ADAP2: variants seen among roughly 807,000 people sequenced by gnomAD.
ADAP2 encodes arf-GAP with dual PH domain-containing protein 2.
ADAP2 carries 42 observed loss-of-function variants against 54.9 expected under a neutral mutation model. That is an observed-to-expected ratio of 0.77 (90% CI 0.60 to 0.99). The LOEUF (loss-of-function observed/expected upper bound fraction) is 0.99. Among genes scored for constraint, ADAP2 ranks in the 50% least tolerant of loss-of-function variants. ADAP2 has a pLI of 0.00. For synonymous variants in ADAP2, 177 were observed against 180.1 expected, an observed-to-expected ratio of 0.98 and a Z score of 0.14; for missense variants, 429 against 480.4, an observed-to-expected ratio of 0.89 and a Z score of 1.00.
chr17:30,922,809 G>A (rs1910734868), intron 1 of ADAP2, 131 bp from the exon 2 acceptor site: 3 of 1,059,046 alleles, frequency 2.8e-6, no homozygotes, highest in Admixed American at 4.6e-5. Context: ...TAACCAGAAG[G>A]TGCCAGGCTG....
chr17:30,956,767 C>T (rs1312698436), intron 10 of ADAP2: 3 of 419,278 alleles, frequency 7.2e-6, no homozygotes, highest in African/African-American at 4.0e-5. Flanking sequence ...GGCTAAGCAG[C>T]TTCTCTTTCC....
chr17:30,932,055 T>G, intron 4 of ADAP2, 87 bp downstream of exon 4: 4 of 1,257,464 alleles, frequency 3.2e-6, no homozygotes, highest in African/African-American at 1.5e-5. Flanking sequence ...GCAAGATCCA[T>G]CCAAGAGATG....
At position 30,944,954 on chromosome 17, in the gene ADAP2, C is replaced by T; in HGVS notation, c.558C>T (p.Thr186=). ...AVISIKDLNA[T]FQTEKIGHPH... ...TCAGCATTAAGGACTTGAATGCCAC[C>T]TTCCAGACAGAGAAGATAGGGCACC... The change falls in exon 6 of 11, where the codon ACC becomes ACT. Residue 186 remains threonine, a synonymous_variant. Coordinates refer to ENST00000330889, the MANE Select transcript of ADAP2 (RefSeq NM_018404.3). 1 of 1,614,144 alleles carries T rather than the reference C, an allele frequency of 6.2e-7. No individual in the cohort carries two copies. The highest frequency in any genetic ancestry group is 8.5e-7 in the Non-Finnish European group (1 of 1,180,030).
chr17:30,957,306 C>G (rs1447225686), intron 10 of ADAP2, among the ~76,000 whole-genome samples: 1 of 152,122 alleles, frequency 6.6e-6, no homozygotes, highest in Non-Finnish European at 1.5e-5. Context: ...CTCTTGGTTT[C>G]TCTCTGTCTC....
rs200632165 is a variant in ADAP2, at chr17:30,946,162, C to CA, written c.657+1117dup. 7.9e-3 allele frequency among the ~76,000 whole-genome samples: 1,189 copies of CA among 150,812 alleles called. 12 individuals carry two copies. The highest frequency in any genetic ancestry group is 0.032 in the East Asian group (165 of 5,090). On this transcript the variant is annotated intron_variant, in intron 6 of 10. Coordinates refer to ENST00000330889, the MANE Select transcript of ADAP2 (RefSeq NM_018404.3). ...AGAGTAAGACTCCACCTCAAAAAAA[C>CA]AAAAAAAACAAAAAAACTGCATTGT...
chr17:30,955,457 C>T (rs1296130296), intron 9 of ADAP2, among the ~76,000 whole-genome samples: 2 of 151,954 alleles, frequency 1.3e-5, no homozygotes. Flanking sequence ...TCTGTAAACC[C>T]AGCATTTTGG....
At chr17:30,957,367 C>T (rs534477239) in intron 10 of ADAP2, among the ~76,000 whole-genome samples, 42 of 151,996 alleles carry the variant, frequency 2.8e-4, no homozygotes, top group African/African-American at 9.4e-4. Flanking sequence ...CCTCTGACGC[C>T]CTGGCTCTCA....
intron 9 of ADAP2, 55 bp from the exon 10 acceptor site, chr17:30,956,186 A>G: frequency 2.6e-6 from 4 of 1,532,180 alleles, no homozygotes; most frequent in Non-Finnish European, 3.6e-6. Context: ...TCAGGGCTGC[A>G]GGGCCCCTCT....
chr17:30,957,716 C>T, intron 10 of ADAP2, 119 bp from the exon 11 acceptor site: 1 of 950,896 alleles, frequency 1.1e-6, no homozygotes, highest in East Asian at 2.6e-5. Flanking sequence ...CAGGCATGAG[C>T]CACTGTGCCC....
At chr17:30,929,002 C>A (rs552756401) in intron 3 of ADAP2, among the ~76,000 whole-genome samples, 2 of 152,332 alleles carry the variant, frequency 1.3e-5, no homozygotes, top group Admixed American at 1.3e-4. Context: ...GGGCAGTACA[C>A]AGACTATATA....
At position 30,922,973 on chromosome 17, in the gene ADAP2, T is replaced by C; in HGVS notation, c.128T>C (p.Phe43Ser). ...TGGGCCTCTTACAAGCTGGGGATCT[T>C]CATCTGTCTCAACTGCTGCGGCGTC... Reference protein sequence around the residue: ...PDWASYKLGIFICLNCCGVHR... With the variant: ...PDWASYKLGISICLNCCGVHR... The change falls in exon 2 of 11, where the codon TTC becomes TCC. Residue 43 changes from phenylalanine (F) to serine (S), a missense_variant. Transcript: ENST00000330889. 6.2e-7 allele frequency: 1 copy of C among 1,614,022 alleles called. No individual in the cohort carries two copies. Among genetic ancestry groups the C allele is most frequent in the Non-Finnish European group, 8.5e-7 (1 of 1,179,978 alleles).
At chr17:30,926,671 G>A (rs1911076968) in intron 2 of ADAP2, 156 bp from the exon 3 acceptor site, 4 of 646,986 alleles carry the variant, frequency 6.2e-6, no homozygotes. Flanking sequence ...GATTGTTACA[G>A]GCTGGGGCTT....
At chr17:30,942,360 G>A (rs1281742406) in intron 5 of ADAP2, among the ~76,000 whole-genome samples, 4 of 152,148 alleles carry the variant, frequency 2.6e-5, no homozygotes, top group Non-Finnish European at 1.5e-5. Context: ...ATGGGGAAAG[G>A]GGAACTATTC....
intron 4 of ADAP2, among the ~76,000 whole-genome samples, chr17:30,932,967 C>G (rs1342203355): frequency 6.6e-6 from 1 of 152,092 alleles, no homozygotes; most frequent in Non-Finnish European, 1.5e-5. Flanking sequence ...TGGTGCAGCT[C>G]AAGACTTGGT....
chr17:30,946,016 A>T (rs1038823896), intron 6 of ADAP2, among the ~76,000 whole-genome samples: 1 of 151,148 alleles, frequency 6.6e-6, no homozygotes, highest in African/African-American at 2.4e-5. Flanking sequence ...TTGGCCGGGC[A>T]TGGTGGCAGG....
chr17:30,945,663 A>G (rs534668122), intron 6 of ADAP2, among the ~76,000 whole-genome samples: 3 of 151,830 alleles, frequency 2.0e-5, no homozygotes, highest in African/African-American at 7.2e-5. Context: ...GGCTGAGGTG[A>G]GAGGATCGCT....
chr17:30,926,953 G>T (rs1393742936), intron 3 of ADAP2, 35 bp downstream of exon 3: 12 of 1,521,534 alleles, frequency 7.9e-6, no homozygotes, highest in Non-Finnish European at 1.1e-5. Flanking sequence ...TGGGTGAGGG[G>T]TCTGTCCTGG....
chr17:30,957,181 C>T (rs1905138622), intron 10 of ADAP2, among the ~76,000 whole-genome samples: 1 of 152,178 alleles, frequency 6.6e-6, no homozygotes, highest in East Asian at 1.9e-4. Flanking sequence ...AACACAGACT[C>T]TCTTGACTGT....
In ADAP2 at chr17:30,956,408, G is replaced by C; in HGVS notation, c.1050G>C (p.Gln350His). ...CTTGCCCCAGTGAGAAGGAACAGCA[G>C]GAATGGCTGGAAAGTTTGCGGGGTG... is the stretch of plus-strand genomic sequence containing the variant. ...VLTCPSEKEQ[Q>H]EWLESLRGVL... Residue 350 changes from glutamine to histidine, a missense_variant, in exon 10 of 11, where the codon CAG becomes CAC. Transcript: ENST00000330889. The C allele has an allele frequency of 6.2e-7, 1 of 1,614,218 alleles. No individual in the cohort carries two copies. Among genetic ancestry groups the C allele is most frequent in the Non-Finnish European group, 8.5e-7 (1 of 1,180,044 alleles).
Sources: allele counts gnomAD v4.1 joint callset (sites outside exome capture counted in the v4.1 genomes callset), GRCh38; gene constraint gnomAD v4.1.1; transcripts MANE v1.5; gene names NCBI Gene and HGNC (gene_info 2026-07-23, HGNC 2026-07-21).